Variants in HNRNPA1L3 observed in about 807,000 individuals in gnomAD.
HNRNPA1L3 encodes the protein heterogeneous nuclear ribonucleoprotein A1 like 3, also known as heterogeneous nuclear ribonucleoprotein A1-like 3.
At chr16:51,646,699 A>C in the HNRNPA1L3 span, 2 of 1,598,782 alleles carry the variant, frequency 1.3e-6, no homozygotes. Context: ...GTGGAGGCCA[A>C]TACTTTGCAA....
the HNRNPA1L3 span, chr16:51,646,177 C>T: frequency 2.5e-6 from 4 of 1,585,766 alleles, no homozygotes; most frequent in African/African-American, 2.7e-5. Flanking sequence ...AAGAACATCA[C>T]CTAAGAGATT....
the HNRNPA1L3 span, chr16:51,646,944 G>A: frequency 7.0e-6 from 5 of 718,728 alleles, no homozygotes; most frequent in Admixed American, 4.1e-5. Flanking sequence ...CAAAAAACTC[G>A]AGGACTGTAT....
chr16:51,646,506 G>T, the HNRNPA1L3 span: 1 of 1,597,990 alleles, frequency 6.3e-7, no homozygotes, highest in Non-Finnish European at 8.5e-7. Flanking sequence ...GGCTTTGGTG[G>T]CAGCCGTGGT....
At chr16:51,646,214 GT>G in the HNRNPA1L3 span, 10 of 1,596,086 alleles carry the variant, frequency 6.3e-6, no homozygotes, top group Non-Finnish European at 8.5e-6. Flanking sequence ...AAAAATTGAA[GT>G]GATTGAAATC....
chr16:51,646,282 C>A, the HNRNPA1L3 span: 1 of 1,595,614 alleles, frequency 6.3e-7, no homozygotes, highest in Non-Finnish European at 8.5e-7. Context: ...CCTTTGACGA[C>A]CATGACTCCG....
At chr16:51,646,715 C>T in the HNRNPA1L3 span, 205 of 1,598,678 alleles carry the variant, frequency 1.3e-4, no homozygotes, top group East Asian at 2.2e-3. Context: ...TGCAAAACCA[C>T]GAAACCAAGG....
the HNRNPA1L3 span, chr16:51,645,840 A>T: frequency 6.2e-7 from 1 of 1,606,074 alleles, no homozygotes; most frequent in Non-Finnish European, 8.5e-7. Flanking sequence ...GAGTCTCCTA[A>T]AGAGCCCGAA....
the HNRNPA1L3 span, chr16:51,646,302 T>C: frequency 7.0e-4 from 1,111 of 1,589,352 alleles, 1 homozygote; most frequent in Admixed American, 1.4e-3. Flanking sequence ...GTGGATAAGA[T>C]TGTCATTCAG....
chr16:51,646,131 A>C, the HNRNPA1L3 span: 1 of 1,595,678 alleles, frequency 6.3e-7, no homozygotes, highest in Non-Finnish European at 8.5e-7. Context: ...TTAACTGTGA[A>C]AAAGATATTT....
chr16:51,645,808 C>G, the HNRNPA1L3 span: 1 of 1,607,776 alleles, frequency 6.2e-7, no homozygotes, highest in Admixed American at 1.7e-5. Context: ...TCTCTCTTCA[C>G]CCTGCCGTCA....
At chr16:51,646,054 G>A in the HNRNPA1L3 span, 2 of 1,588,746 alleles carry the variant, frequency 1.3e-6, no homozygotes, top group Non-Finnish European at 1.7e-6. Context: ...CACACAAGGT[G>A]GATGGAAGAG....
At chr16:51,646,416 G>T in the HNRNPA1L3 span, 2 of 1,570,178 alleles carry the variant, frequency 1.3e-6, no homozygotes, top group East Asian at 4.5e-5. Flanking sequence ...AGTGGTTCTG[G>T]AAACTTTGGT....
chr16:51,646,064 G>A, the HNRNPA1L3 span: 2 of 1,592,098 alleles, frequency 1.3e-6, no homozygotes, highest in Middle Eastern at 2.1e-4. Flanking sequence ...GGATGGAAGA[G>A]TTGTGGAACC....
chr16:51,646,437 G>T, the HNRNPA1L3 span: 1 of 1,582,992 alleles, frequency 6.3e-7, no homozygotes, highest in African/African-American at 1.3e-5. Flanking sequence ...GGTGGTCGTG[G>T]AGGTGGTTTC....
At chr16:51,646,847 G>C in the HNRNPA1L3 span, 3 of 1,347,528 alleles carry the variant, frequency 2.2e-6, no homozygotes, top group East Asian at 2.3e-5. Flanking sequence ...GGTTACAACA[G>C]ATTTGTGAAC....
the HNRNPA1L3 span, chr16:51,646,291 C>T: frequency 1.7e-4 from 265 of 1,593,644 alleles, 1 homozygote; most frequent in Admixed American, 8.5e-4. Context: ...ACCATGACTC[C>T]GTGGATAAGA....
At chr16:51,647,049 T>G in the HNRNPA1L3 span, 6 of 477,852 alleles carry the variant, frequency 1.3e-5, no homozygotes, top group Admixed American at 7.1e-5. Flanking sequence ...TTTTTTTTTT[T>G]GCACCCCATG....
the HNRNPA1L3 span, chr16:51,646,042 G>T: frequency 1.3e-5 from 21 of 1,582,094 alleles, no homozygotes; most frequent in Non-Finnish European, 1.7e-5. Flanking sequence ...TGAATGCAAG[G>T]CCACACAAGG....
the HNRNPA1L3 span, chr16:51,646,716 G>A: frequency 6.6e-5 from 105 of 1,598,726 alleles, no homozygotes; most frequent in Non-Finnish European, 8.1e-5. Context: ...GCAAAACCAC[G>A]AAACCAAGGT....
Sources: allele counts gnomAD v4.1 joint callset, GRCh38; gene constraint gnomAD v4.1.1; transcripts MANE v1.5; gene names NCBI Gene and HGNC (gene_info 2026-07-23, HGNC 2026-07-21).